Variants in EXTL3 observed in about 807,000 individuals in gnomAD.
EXTL3 encodes exostosin-like 3.
Under a neutral mutation model 69.3 loss-of-function variants are expected in EXTL3, and 27 were observed. That is an observed-to-expected ratio of 0.39 (90% confidence interval 0.29 to 0.54). The LOEUF is 0.54. Among genes scored for constraint, EXTL3 ranks in the 20% least tolerant of loss-of-function variants. The pLI is 0.69. For synonymous variants in EXTL3, 511 were observed against 499.4 expected (o/e 1.02, Z -0.31); for missense variants, 1,003 against 1,231.8 (o/e 0.81, Z 2.78).
intron 6 of EXTL3, among the ~76,000 whole-genome samples, chr8:28,744,957 C>T (rs972002953): frequency 3.3e-5 from 5 of 151,636 alleles, no homozygotes; most frequent in East Asian, 1.9e-4. Context: ...AGTGAGACTC[C>T]GTCTCAAAAA....
intron 1 of EXTL3, among the ~76,000 whole-genome samples, chr8:28,626,667 T>C (rs1806496295): frequency 6.6e-6 from 1 of 152,174 alleles, no homozygotes; most frequent in Non-Finnish European, 1.5e-5. Context: ...TGAGTATTAT[T>C]AGCCCACTTC....
rs1202419729 is a variant in EXTL3, at chr8:28,712,034, G to C, written c.-569-1423G>C. 3.3e-5 allele frequency among the ~76,000 whole-genome samples: 5 copies of C among 152,168 alleles called. No homozygotes were observed. The East Asian group carries it at 9.6e-4, about 29-fold the overall frequency. On this transcript the variant is annotated intron_variant, in intron 1 of 6. Coordinates refer to ENST00000220562, the MANE Select transcript of EXTL3 (RefSeq NM_001440.4). Reference sequence around the variant, plus strand: ...GAGGATTAGGCTTTGGTGGGGAAGGGAGGGAATTAATAAATTACAAGATAT... The same window carrying C: ...GAGGATTAGGCTTTGGTGGGGAAGGCAGGGAATTAATAAATTACAAGATAT...
chr8:28,688,436 C>T (rs1287039130), intron 1 of EXTL3, among the ~76,000 whole-genome samples: 1 of 152,164 alleles, frequency 6.6e-6, no homozygotes, highest in Non-Finnish European at 1.5e-5. Flanking sequence ...TTACTGTATA[C>T]CAGGCCCTGG....
intron 1 of EXTL3, among the ~76,000 whole-genome samples, chr8:28,662,499 T>A (rs915947843): frequency 6.2e-4 from 94 of 152,328 alleles, no homozygotes; most frequent in African/African-American, 2.2e-3. Context: ...AAGTTAGAAA[T>A]ATCTTCCTTA....
intron 1 of EXTL3, among the ~76,000 whole-genome samples, chr8:28,645,998 G>T (rs1258710161): frequency 2.6e-5 from 4 of 152,044 alleles, no homozygotes; most frequent in African/African-American, 9.6e-5. Context: ...GAGTAGCTGG[G>T]ACCACAGGCG....
At chr8:28,665,913 TG>T (rs1482692016) in intron 1 of EXTL3, among the ~76,000 whole-genome samples, 2 of 152,272 alleles carry the variant, frequency 1.3e-5, no homozygotes, top group Admixed American at 1.3e-4. Flanking sequence ...ATGATTGCCA[TG>T]GTGCACTTCT....
chr8:28,719,763 T>C (rs1801256787), intron 3 of EXTL3, among the ~76,000 whole-genome samples: 1 of 152,214 alleles, frequency 6.6e-6, no homozygotes, highest in African/African-American at 2.4e-5. Context: ...GCTCCTCAAA[T>C]AGTAGAATAA....
upstream of EXTL3, among the ~76,000 whole-genome samples, chr8:28,618,187 C>T (rs972990727): frequency 4.0e-5 from 6 of 151,874 alleles, no homozygotes; most frequent in African/African-American, 7.3e-5. Flanking sequence ...ACAGTGAAGC[C>T]GGGCATGGTG....
chr8:28,726,888 T>TC (rs1801425634), intron 3 of EXTL3, among the ~76,000 whole-genome samples: 1 of 128,912 alleles, frequency 7.8e-6, no homozygotes, highest in Non-Finnish European at 1.7e-5. Flanking sequence ...TCTTTTTTTT[T>TC]TTTTTTTTTT....
upstream of EXTL3, among the ~76,000 whole-genome samples, chr8:28,620,800 C>T (rs147266337): frequency 4.2e-3 from 639 of 152,230 alleles, 5 homozygotes; most frequent in African/African-American, 0.015. Flanking sequence ...CACTGCAGCC[C>T]TGAACTCCTA....
chr8:28,641,622 G>A (rs1328378637), intron 1 of EXTL3, among the ~76,000 whole-genome samples: 3 of 151,898 alleles, frequency 2.0e-5, no homozygotes, highest in African/African-American at 7.3e-5. Context: ...GATTACAGGC[G>A]TGTGCCACCA....
In EXTL3 at chr8:28,748,190, G is replaced by A. The variant is rs117198513; in HGVS notation, c.2551-2467G>A. Among the ~76,000 whole-genome samples, 57 of 152,152 alleles carry A rather than the reference G, an allele frequency of 3.7e-4. No homozygotes were observed. The East Asian group carries it at 9.5e-3, about 25-fold the overall frequency. On this transcript the variant is annotated intron_variant, in intron 6 of 6. Transcript: ENST00000220562. ...GATCGAGACCATCCTGGCTAACACA[G>A]CAAAACCAATCTCTACTAAAAATAC...
intron 4 of EXTL3, among the ~76,000 whole-genome samples, chr8:28,735,654 A>G (rs1158274349): frequency 6.6e-6 from 1 of 152,160 alleles, no homozygotes; most frequent in Admixed American, 6.5e-5. Flanking sequence ...AATCTCCCCA[A>G]TTTGCTTATT....
chr8:28,643,105 G>A (rs1806770291), intron 1 of EXTL3, among the ~76,000 whole-genome samples: 1 of 152,088 alleles, frequency 6.6e-6, no homozygotes, highest in Non-Finnish European at 1.5e-5. Context: ...TTAGCCAGGT[G>A]TGGTGGTGGG....
intron 1 of EXTL3, among the ~76,000 whole-genome samples, chr8:28,638,655 G>A (rs966827636): frequency 4.6e-5 from 7 of 152,134 alleles, no homozygotes; most frequent in African/African-American, 1.7e-4. Flanking sequence ...TTTTGAGACG[G>A]AGTTTTGCTC....
chr8:28,732,264 T>C (rs533555211), intron 4 of EXTL3, among the ~76,000 whole-genome samples: 1 of 152,314 alleles, frequency 6.6e-6, no homozygotes, highest in South Asian at 2.1e-4. Flanking sequence ...GGACAGTTTG[T>C]TACCTGTTAA....
In EXTL3 at chr8:28,610,605, T is replaced by A. The variant is rs553160136; in HGVS notation, n.314+2847T>A. ...GCTTTCATGTGTCAGCCCTACATAG[T>A]GCTTCATGGAATCTCTGTCTTAATT... On this transcript the variant is annotated intron_variant and non_coding_transcript_variant, in intron 2 of 4. Coordinates refer to the EXTL3 transcript ENST00000522725. Among the ~76,000 whole-genome samples the A allele has an allele frequency of 2.0e-5, 3 of 152,290 alleles. No homozygotes were observed. In the East Asian group the frequency reaches 5.8e-4, roughly 29 times the overall value.
chr8:28,686,410 T>C (rs1807578644), intron 1 of EXTL3, among the ~76,000 whole-genome samples: 1 of 151,648 alleles, frequency 6.6e-6, no homozygotes, highest in African/African-American at 2.4e-5. Context: ...GTTTTTGAAG[T>C]GGGCCTTGAG....
rs1448960887 is a variant in EXTL3 at position 28,614,335 on chromosome 8, AC to A, written n.314+6578del. On this transcript the variant is annotated intron_variant and non_coding_transcript_variant, in intron 2 of 4. Transcript: ENST00000522725. ...GCCACCCAGACTGGAGTGCAGTGGC[AC>A]AATCTCAACTCACTGCAACCACTGC... Among the ~76,000 whole-genome samples, 307 of 133,908 alleles carry A rather than the reference AC, an allele frequency of 2.3e-3. 2 individuals are homozygous for A. The highest frequency in any genetic ancestry group is 8.9e-3 in the Admixed American group (101 of 11,404). 87.8% of individuals were successfully genotyped at this position (133,908 alleles called of 152,430 possible).
Sources: gnomAD v4.1 joint callset for allele counts (sites outside exome capture counted in the v4.1 genomes callset) on GRCh38, gnomAD v4.1.1 for gene constraint, MANE v1.5 for transcripts, NCBI Gene and HGNC (gene_info 2026-07-23, HGNC 2026-07-21) for gene names.